The following GXYLT2 variants were observed in gnomAD, a reference collection of about 807,000 sequenced individuals.
The protein encoded by GXYLT2 is glucoside xylosyltransferase 2.
GXYLT2 carries 53 observed loss-of-function variants against 45.8 expected under a neutral mutation model. That is an observed-to-expected ratio of 1.16 (90% confidence interval 0.93 to 1.46). The LOEUF (loss-of-function observed/expected upper bound fraction) is 1.46, where lower values mean the gene tolerates loss of function less well. GXYLT2 is among the 40% of genes most tolerant of loss of function. GXYLT2 has a pLI of 0.00. For missense variants in GXYLT2, 551 were observed against 544.4 expected (o/e 1.01, Z -0.12); for synonymous variants, 219 against 214.2 (o/e 1.02, Z -0.19).
At chr3:72,931,593 T>C (rs1213913080) in intron 3 of GXYLT2, among the ~76,000 whole-genome samples, 2 of 151,958 alleles carry the variant, frequency 1.3e-5, no homozygotes, top group African/African-American at 4.8e-5. Context: ...GAAACTACAA[T>C]GAAAATGAAG....
At chr3:72,912,911 A>G (rs1709660144) in intron 2 of GXYLT2, among the ~76,000 whole-genome samples, 1 of 152,216 alleles carries the variant, frequency 6.6e-6, no homozygotes, top group Admixed American at 6.5e-5. Flanking sequence ...GAACTGGAAC[A>G]TTATAAATTA....
chr3:72,930,583 C>T (rs1198921407), intron 3 of GXYLT2, among the ~76,000 whole-genome samples: 2 of 111,916 alleles, frequency 1.8e-5, no homozygotes, highest in Admixed American at 2.1e-4. Context: ...TTTTCTTTTT[C>T]TTCTTCTTCT....
At chr3:72,899,483 T>C (rs1160410770) in intron 1 of GXYLT2, among the ~76,000 whole-genome samples, 1 of 152,182 alleles carries the variant, frequency 6.6e-6, no homozygotes, top group Non-Finnish European at 1.5e-5. Context: ...AAACCATGGG[T>C]CATTAAAAGT....
intron 3 of GXYLT2, among the ~76,000 whole-genome samples, chr3:72,944,785 C>T (rs573757926): frequency 1.3e-5 from 2 of 152,134 alleles, no homozygotes; most frequent in Admixed American, 6.6e-5. Context: ...TCTTTTCCTC[C>T]CCTAGCTCTC....
intron 1 of GXYLT2, among the ~76,000 whole-genome samples, chr3:72,898,582 G>A (rs1399333657): frequency 1.3e-5 from 2 of 152,096 alleles, no homozygotes; most frequent in African/African-American, 4.8e-5. Flanking sequence ...TGGCAGATGG[G>A]GTGGGTTAGG....
intron 3 of GXYLT2, among the ~76,000 whole-genome samples, chr3:72,926,559 T>C (rs1221382655): frequency 6.6e-6 from 1 of 152,234 alleles, no homozygotes; most frequent in Admixed American, 6.5e-5. Flanking sequence ...AGGCCAGAAA[T>C]CCTTTACATC....
chr3:72,899,372 G>A (rs1395099189), intron 1 of GXYLT2, among the ~76,000 whole-genome samples: 1 of 152,188 alleles, frequency 6.6e-6, no homozygotes, highest in South Asian at 2.1e-4. Flanking sequence ...CCTTCATGGA[G>A]TTTTTTGGCA....
intron 3 of GXYLT2, among the ~76,000 whole-genome samples, chr3:72,928,607 A>T (rs191237206): frequency 7.2e-5 from 11 of 152,328 alleles, no homozygotes; most frequent in Admixed American, 2.0e-4. Context: ...TAATGAGAAC[A>T]GCAAGCTAAA....
chr3:72,921,668 A>T (rs1024411441), intron 2 of GXYLT2, among the ~76,000 whole-genome samples: 2 of 152,072 alleles, frequency 1.3e-5, no homozygotes, highest in East Asian at 1.9e-4. Flanking sequence ...GCCTGAAGAG[A>T]TCCACCCACT....
intron 3 of GXYLT2, chr3:72,929,530 C>T (rs1047855099): frequency 2.3e-5 from 28 of 1,222,270 alleles, no homozygotes; most frequent in Non-Finnish European, 3.0e-5. Context: ...ATGGGAGCAC[C>T]CGAATCTGGC....
rs1276550331 is a variant in GXYLT2, at chr3:72,967,732, T to C, written c.1149+13T>C. ...AGCAATACGGGATGTAAGTGTGCCC[T>C]TGCTGCTGTTAGCAGATGTGCTTAT... On this transcript the variant is annotated intron_variant, in intron 6 of 6. Transcript: ENST00000389617. 1 of 1,611,924 alleles carries C rather than the reference T, an allele frequency of 6.2e-7. No individual in the cohort carries two copies. Among genetic ancestry groups the C allele is most frequent in the Non-Finnish European group, 8.5e-7 (1 of 1,178,578 alleles).
chr3:72,969,554 T>G lies in GXYLT2; in HGVS notation c.1149+1835T>G, dbSNP rs908593428. 3.3e-5 allele frequency among the ~76,000 whole-genome samples: 5 copies of G among 152,084 alleles called. No individual in the cohort carries two copies. In the East Asian group the frequency reaches 9.6e-4, roughly 29 times the overall value. The stretch of plus-strand genomic sequence containing the variant: ...ATCTTGCTTTGTTGCCCAGGCTGAT[T>G]TCAAACTCCTGGCCTCAAGTGATCT... On this transcript the variant is annotated intron_variant, in intron 6 of 6. Transcript: ENST00000389617.
chr3:72,931,396 AT>A (rs199987699), intron 3 of GXYLT2, among the ~76,000 whole-genome samples: 5,093 of 151,648 alleles, frequency 0.034, 291 homozygotes, highest in African/African-American at 0.12. Context: ...CACATGGCTA[AT>A]TTTTTGTATT....
intron 5 of GXYLT2, among the ~76,000 whole-genome samples, chr3:72,958,395 G>T (rs756332119): frequency 1.3e-5 from 2 of 151,054 alleles, no homozygotes; most frequent in Non-Finnish European, 2.9e-5. Flanking sequence ...CTGAAGTAGA[G>T]ACTGCTGTTC....
intron 1 of GXYLT2, among the ~76,000 whole-genome samples, chr3:72,891,902 A>G (rs1709189026): frequency 6.7e-6 from 1 of 148,814 alleles, no homozygotes; most frequent in Non-Finnish European, 1.5e-5. Context: ...ATCAAGAGAG[A>G]TTTTTTTTTT....
At chr3:72,892,609 G>A (rs1339387215) in intron 1 of GXYLT2, among the ~76,000 whole-genome samples, 2 of 152,202 alleles carry the variant, frequency 1.3e-5, no homozygotes, top group African/African-American at 2.4e-5. Context: ...ATGAAAGGAA[G>A]CATGTGTCTC....
rs183812662 is a variant in GXYLT2 at position 72,947,716 on chromosome 3, G to A, written c.601-7382G>A. Among the ~76,000 whole-genome samples the A allele has an allele frequency of 2.0e-4, 30 of 152,148 alleles. No homozygotes were observed. The East Asian group carries it at 5.6e-3, about 28-fold the overall frequency. On this transcript the variant is annotated intron_variant, in intron 3 of 6. Coordinates refer to ENST00000389617, the MANE Select transcript of GXYLT2 (RefSeq NM_001080393.2). ...CTCAGGAAGCTGAGGCAGGAGAATC[G>A]CTTGAACCCAGGAGGCGGAGGTTGC...
chr3:72,933,317 T>C (rs868048151), intron 3 of GXYLT2, among the ~76,000 whole-genome samples: 95 of 152,306 alleles, frequency 6.2e-4, no homozygotes, highest in African/African-American at 2.2e-3. Flanking sequence ...TAGGGAATTG[T>C]CTTTTTGACT....
At chr3:72,913,868 T>TA (rs1709681463) in intron 2 of GXYLT2, among the ~76,000 whole-genome samples, 1 of 152,080 alleles carries the variant, frequency 6.6e-6, no homozygotes, top group South Asian at 2.1e-4. Context: ...GTGGGGCAAA[T>TA]GATACCCTGC....
Sources: allele counts gnomAD v4.1 joint callset (sites outside exome capture counted in the v4.1 genomes callset), GRCh38; gene constraint gnomAD v4.1.1; transcripts MANE v1.5; gene names NCBI Gene and HGNC (gene_info 2026-07-23, HGNC 2026-07-21).